The following ATF6 variants were observed in gnomAD, a reference collection of about 807,000 sequenced individuals.
ATF6 encodes cyclic AMP-dependent transcription factor ATF-6 alpha.
Under a neutral mutation model 83.6 loss-of-function variants are expected in ATF6, and 53 were observed. The observed-to-expected ratio is 0.63, with a 90% CI of 0.51 to 0.80. ATF6 has a LOEUF of 0.80. Among genes scored for constraint, ATF6 ranks in the 30% least tolerant of loss-of-function variants. The pLI, the probability that ATF6 is intolerant of heterozygous loss-of-function variation, is 0.00. For missense variants in ATF6, 744 were observed against 797.9 expected, an observed-to-expected ratio of 0.93 and a Z score of 0.81; for synonymous variants, 288 against 285.8, an observed-to-expected ratio of 1.01 and a Z score of -0.08.
At chr1:161,909,195 C>T (rs1687937917) in intron 14 of ATF6, among the ~76,000 whole-genome samples, 1 of 152,154 alleles carries the variant, frequency 6.6e-6, no homozygotes, top group Non-Finnish European at 1.5e-5. Context: ...ATCCCTGTCT[C>T]CTTCTGTCTT....
intron 14 of ATF6, among the ~76,000 whole-genome samples, chr1:161,875,711 G>A (rs1327995570): frequency 6.6e-6 from 1 of 151,818 alleles, no homozygotes; most frequent in South Asian, 2.1e-4. Flanking sequence ...AGTCTTTCAA[G>A]TAAAAGTGGT....
rs544615385 is a variant in ATF6 at position 161,885,409 on chromosome 1, G to A, written c.1719+22097G>A. ...AACTCCAGTTATTTAAGTGAGGCCTGTTTTTTAGAACTAAGTAATACTGTA... is the reference window on the plus strand; with the variant it reads ...AACTCCAGTTATTTAAGTGAGGCCTATTTTTTAGAACTAAGTAATACTGTA... On this transcript the variant is annotated intron_variant, in intron 14 of 15. Transcript: ENST00000367942. Among the ~76,000 whole-genome samples the A allele has an allele frequency of 3.9e-5, 6 of 152,150 alleles. No homozygotes were observed. In the South Asian group the frequency reaches 8.3e-4, roughly 21 times the overall value.
At chr1:161,827,631 A>G (rs1685934902) in intron 9 of ATF6, among the ~76,000 whole-genome samples, 1 of 150,786 alleles carries the variant, frequency 6.6e-6, no homozygotes, top group Non-Finnish European at 1.5e-5. Flanking sequence ...TTTGTGCCTT[A>G]TTGGTATGGG....
chr1:161,767,577 A>G (rs1239740243), intron 1 of ATF6, among the ~76,000 whole-genome samples: 4 of 152,180 alleles, frequency 2.6e-5, no homozygotes, highest in South Asian at 2.1e-4. Flanking sequence ...CAACAGTCCA[A>G]TGAGGTACTG....
chr1:161,795,022 G>C (rs1203154243), intron 6 of ATF6, among the ~76,000 whole-genome samples: 1 of 152,124 alleles, frequency 6.6e-6, no homozygotes, highest in Non-Finnish European at 1.5e-5. Flanking sequence ...TGAAATGGGA[G>C]ACAGAGGTAA....
chr1:161,923,652 T>C (rs2101897208), intron 15 of ATF6, among the ~76,000 whole-genome samples: 2 of 152,360 alleles, frequency 1.3e-5, no homozygotes, highest in South Asian at 4.1e-4. Flanking sequence ...AATTTTTCCA[T>C]GAATAGTTTA....
chr1:161,883,106 G>A (rs918014348), intron 14 of ATF6, among the ~76,000 whole-genome samples: 11 of 151,820 alleles, frequency 7.2e-5, no homozygotes, highest in Admixed American at 5.9e-4. Context: ...GGCATGTTTC[G>A]AAAGAGTGTT....
intron 15 of ATF6, among the ~76,000 whole-genome samples, chr1:161,939,861 T>C (rs1331294276): frequency 6.6e-6 from 1 of 152,220 alleles, no homozygotes; most frequent in Non-Finnish European, 1.5e-5. Context: ...GGTAGGTAGC[T>C]ATGGCTTCCA....
At chr1:161,935,648 G>A (rs958172181) in intron 15 of ATF6, among the ~76,000 whole-genome samples, 4 of 152,184 alleles carry the variant, frequency 2.6e-5, no homozygotes, top group South Asian at 2.1e-4. Flanking sequence ...TGCTGTTTTC[G>A]CCATTTTAAT....
chr1:161,932,340 G>A (rs777469459), intron 15 of ATF6, among the ~76,000 whole-genome samples: 34 of 152,104 alleles, frequency 2.2e-4, no homozygotes, highest in Admixed American at 6.5e-4. Context: ...TATTGGAACC[G>A]AATCATTCAC....
chr1:161,803,291 T>C (rs1296886157), intron 7 of ATF6, among the ~76,000 whole-genome samples: 1 of 152,178 alleles, frequency 6.6e-6, no homozygotes, highest in Non-Finnish European at 1.5e-5. Flanking sequence ...TTGTAAAAAT[T>C]CATAACAAAG....
intron 14 of ATF6, among the ~76,000 whole-genome samples, chr1:161,898,535 T>C (rs980866325): frequency 2.0e-5 from 3 of 151,506 alleles, no homozygotes; most frequent in African/African-American, 7.3e-5. Context: ...TGTGTGTGTG[T>C]TTTTTTTGTT....
intron 3 of ATF6, 105 bp downstream of exon 3, chr1:161,782,104 A>G (rs1020774524): frequency 2.8e-6 from 2 of 720,516 alleles, no homozygotes; most frequent in Admixed American, 3.2e-5. Context: ...CTGGTAGGTT[A>G]AAAGATTCCT....
At chr1:161,923,502 A>G (rs770737409) in intron 15 of ATF6, among the ~76,000 whole-genome samples, 1 of 152,176 alleles carries the variant, frequency 6.6e-6, no homozygotes, top group Non-Finnish European at 1.5e-5. Flanking sequence ...ACTCTCTACT[A>G]TAAGGTAAAC....
intron 13 of ATF6, among the ~76,000 whole-genome samples, chr1:161,861,330 C>A (rs138619802): frequency 6.6e-6 from 1 of 151,996 alleles, no homozygotes; most frequent in Non-Finnish European, 1.5e-5. Flanking sequence ...AAAATGAAGT[C>A]AAAAGCTATT....
chr1:161,887,953 A>G (rs1285260391), intron 14 of ATF6, among the ~76,000 whole-genome samples: 1 of 152,218 alleles, frequency 6.6e-6, no homozygotes, highest in African/African-American at 2.4e-5. Flanking sequence ...TCATGGATCA[A>G]ATCAAGGCAT....
intron 6 of ATF6, among the ~76,000 whole-genome samples, chr1:161,794,196 G>A (rs1252298001): frequency 1.3e-5 from 2 of 152,180 alleles, no homozygotes; most frequent in East Asian, 3.9e-4. Flanking sequence ...GAGCCACCGC[G>A]CCTGGTGCCT....
rs1287960051 is a variant in ATF6, at chr1:161,846,439, T to G, written c.1188-10T>G. The G allele has an allele frequency of 6.3e-7, 1 of 1,595,968 alleles. No homozygotes were observed. The highest frequency in any genetic ancestry group is 1.1e-5 in the South Asian group (1 of 88,366). ...TATTTCAGCTATTATTTCCTGTTTT[T>G]TATTTTCAGCATGTTGGAACAGGAT... On this transcript the variant is annotated splice_polypyrimidine_tract_variant and intron_variant, in intron 9 of 15. Transcript: ENST00000367942.
intron 9 of ATF6, among the ~76,000 whole-genome samples, chr1:161,843,039 G>T (rs986910112): frequency 2.6e-5 from 4 of 152,192 alleles, no homozygotes; most frequent in African/African-American, 9.7e-5. Flanking sequence ...GTGGTAGATG[G>T]CTGGAGCCTA....
Sources: gnomAD v4.1 joint callset for allele counts (sites outside exome capture counted in the v4.1 genomes callset) on GRCh38, gnomAD v4.1.1 for gene constraint, MANE v1.5 for transcripts, NCBI Gene and HGNC (gene_info 2026-07-23, HGNC 2026-07-21) for gene names.